The following FER1L6 variants were observed in gnomAD, a reference collection of about 807,000 sequenced individuals.
FER1L6 encodes fer-1-like protein 6.
A neutral mutation model predicts 219.2 loss-of-function variants in FER1L6; 177 were observed. The ratio of observed to expected loss-of-function variants is 0.81; its 90% CI spans 0.71 to 0.91. FER1L6 has a LOEUF of 0.91. Among genes scored for constraint, FER1L6 ranks in the 40% least tolerant of loss-of-function variants. The pLI is 0.00. For missense variants in FER1L6, 2,153 were observed against 2,259.9 expected (o/e 0.95, Z 0.96); for synonymous variants, 768 against 824.3 (o/e 0.93, Z 1.17).
intron 11 of FER1L6, chr8:123,984,394 T>G (rs1816465219): frequency 6.6e-6 from 1 of 152,208 alleles, no homozygotes; most frequent in Non-Finnish European, 1.5e-5. Context: ...TCCAGGTCTC[T>G]TAGTAATTCC....
At chr8:123,902,049 G>T (rs1812868665) in intron 1 of FER1L6, among the ~76,000 whole-genome samples, 1 of 152,038 alleles carries the variant, frequency 6.6e-6, no homozygotes, top group African/African-American at 2.4e-5. Flanking sequence ...TTTCCATCTT[G>T]ATTTCGTTTT....
chr8:123,974,230 G>A (rs1035494556), intron 7 of FER1L6, among the ~76,000 whole-genome samples: 1 of 152,198 alleles, frequency 6.6e-6, no homozygotes, highest in Non-Finnish European at 1.5e-5. Context: ...AGCAGCCTGA[G>A]TGTGAGGCAT....
rs1461141663 is a variant in FER1L6 at position 124,067,667 on chromosome 8, A to G, written c.3679-100A>G. ...TACAGACTGTTTGAATACTCTTTTA[A>G]AATAGTGTCTCTGGGAATGCAGAGG... On this transcript the variant is annotated intron_variant, in intron 27 of 40. Coordinates refer to ENST00000522917, the MANE Select transcript of FER1L6 (RefSeq NM_001039112.2). The G allele has an allele frequency of 9.4e-7, 1 of 1,062,810 alleles. No homozygotes were observed. The highest frequency in any genetic ancestry group is 1.4e-6 in the Non-Finnish European group (1 of 709,464). 65.8% of individuals were successfully genotyped at this position (1,062,810 alleles called of 1,614,324 possible).
At chr8:123,942,067 AG>A (rs2129998649) in intron 1 of FER1L6, among the ~76,000 whole-genome samples, 1 of 152,244 alleles carries the variant, frequency 6.6e-6, no homozygotes, top group Admixed American at 6.5e-5. Flanking sequence ...CCCTGAGCCC[AG>A]GCCCCTTCCT....
intron 1 of FER1L6, among the ~76,000 whole-genome samples, chr8:123,888,055 A>G (rs1817237759): frequency 6.6e-6 from 1 of 152,020 alleles, no homozygotes; most frequent in South Asian, 2.1e-4. Context: ...TTGTGTTTTG[A>G]TGATTGTGTG....
Position 124,023,471 on chromosome 8 carries a change from A to T in FER1L6, c.2161A>T (p.Ile721Phe), listed in dbSNP as rs761566243. 27 of 1,614,174 alleles carry T rather than the reference A, an allele frequency of 1.7e-5. No homozygotes were observed. The highest frequency in any genetic ancestry group is 2.3e-5 in the Non-Finnish European group (27 of 1,180,016). The change falls in exon 18 of 41, where the codon ATC (isoleucine) becomes TTC (phenylalanine). Residue 721 changes from isoleucine to phenylalanine, a missense_variant. By Grantham distance (21) the Ile-to-Phe change is conservative. Coordinates refer to ENST00000522917, the MANE Select transcript of FER1L6 (RefSeq NM_001039112.2). ...EPQHTIPDVFIWMLSNNRRVA... is the reference protein window; with the variant it reads ...EPQHTIPDVFFWMLSNNRRVA... ...CCAGCACACTATCCCTGACGTTTTC[A>T]TCTGGATGCTCAGCAACAACAGGAG...
intron 1 of FER1L6, among the ~76,000 whole-genome samples, chr8:123,854,183 T>C (rs1816584697): frequency 6.6e-6 from 1 of 152,202 alleles, no homozygotes; most frequent in Admixed American, 6.5e-5. Flanking sequence ...GTAAATGATC[T>C]AGGCTTTTCT....
chr8:124,068,711 T>C (rs28482806), intron 28 of FER1L6, among the ~76,000 whole-genome samples: 7 of 152,132 alleles, frequency 4.6e-5, no homozygotes, highest in Non-Finnish European at 7.3e-5. Flanking sequence ...TTATTTATTC[T>C]CTCTGTGCCT....
At chr8:124,106,222 A>C (rs905891203) in intron 39 of FER1L6, among the ~76,000 whole-genome samples, 1 of 149,858 alleles carries the variant, frequency 6.7e-6, no homozygotes, top group African/African-American at 2.5e-5. Flanking sequence ...CCAGCTACTC[A>C]GGATGCTGAG....
intron 1 of FER1L6, among the ~76,000 whole-genome samples, chr8:123,909,016 T>A (rs965220044): frequency 6.6e-6 from 1 of 152,212 alleles, no homozygotes; most frequent in African/African-American, 2.4e-5. Context: ...GCATGGCCCA[T>A]GTAAAGGGAT....
chr8:124,112,947 T>C (rs1326793062), intron 39 of FER1L6, among the ~76,000 whole-genome samples: 1 of 152,196 alleles, frequency 6.6e-6, no homozygotes, highest in African/African-American at 2.4e-5. Flanking sequence ...AGCACACATA[T>C]GTATACCATC....
At chr8:123,977,349 G>A (rs1209347089) in intron 9 of FER1L6, 68 bp from the exon 10 acceptor site, 22 of 1,452,042 alleles carry the variant, frequency 1.5e-5, no homozygotes, top group South Asian at 9.1e-5. Context: ...ACTTCCAGCT[G>A]GCTTGAAGAG....
chr8:124,075,022 G>A lies in FER1L6; in HGVS notation c.4093-1176G>A, dbSNP rs148991964. 7.2e-3 allele frequency among the ~76,000 whole-genome samples: 1,103 copies of A among 152,338 alleles called. 14 individuals carry two copies. Among genetic ancestry groups the A allele is most frequent in the African/African-American group, 0.026 (1,060 of 41,568 alleles). Reference sequence around the variant, plus strand: ...GAAGTTGCTCTGGGTGAGTCACTGAGTGGTGAGTGAATGTGAAGGCCTAGG... The same window carrying A: ...GAAGTTGCTCTGGGTGAGTCACTGAATGGTGAGTGAATGTGAAGGCCTAGG... On this transcript the variant is annotated intron_variant, in intron 31 of 40. Coordinates refer to ENST00000522917, the MANE Select transcript of FER1L6 (RefSeq NM_001039112.2).
chr8:123,937,875 G>A (rs1304438372), intron 1 of FER1L6, among the ~76,000 whole-genome samples: 1 of 152,128 alleles, frequency 6.6e-6, no homozygotes, highest in African/African-American at 2.4e-5. Flanking sequence ...AACCCCAAGA[G>A]ATGACAGCAT....
At chr8:124,094,443 T>C (rs1411052823) in intron 34 of FER1L6, among the ~76,000 whole-genome samples, 2 of 151,970 alleles carry the variant, frequency 1.3e-5, no homozygotes, top group Admixed American at 1.3e-4. Context: ...CATCCTTACT[T>C]TTTTCTTTTT....
chr8:123,940,601 G>A (rs562161961), intron 1 of FER1L6, among the ~76,000 whole-genome samples: 8 of 152,312 alleles, frequency 5.3e-5, no homozygotes, highest in African/African-American at 1.9e-4. Flanking sequence ...GCTTCCCAAA[G>A]TGCTGGGATT....
intron 1 of FER1L6, among the ~76,000 whole-genome samples, chr8:123,879,951 C>T (rs948915395): frequency 1.3e-5 from 2 of 152,130 alleles, no homozygotes. Flanking sequence ...TCTGATGGTG[C>T]TGTCCCCCGT....
intron 25 of FER1L6, 79 bp from the exon 26 acceptor site, chr8:124,064,268 T>C: frequency 9.4e-7 from 1 of 1,066,470 alleles, no homozygotes; most frequent in African/African-American, 1.6e-5. Context: ...CGAATCTGTC[T>C]GATTCCTAGT....
rs1305016958 is a variant in FER1L6 at position 124,083,018 on chromosome 8, A to G, written c.4391+560A>G. On this transcript the variant is annotated intron_variant, in intron 33 of 40. Transcript: ENST00000522917. ...GTGTGTATATATTATATACACACACATATGGGGTATATGACATGTATACAT... is the reference window on the plus strand; with the variant it reads ...GTGTGTATATATTATATACACACACGTATGGGGTATATGACATGTATACAT... 3.9e-5 allele frequency among the ~76,000 whole-genome samples: 3 copies of G among 77,346 alleles called. No homozygotes were observed. In the East Asian group the frequency reaches 8.5e-4, roughly 22 times the overall value. The allele number at this position is 77,346 out of a possible 152,430, so 50.7% of individuals were successfully genotyped here.
Sources: allele counts gnomAD v4.1 joint callset (sites outside exome capture counted in the v4.1 genomes callset), GRCh38; gene constraint gnomAD v4.1.1; transcripts MANE v1.5; gene names NCBI Gene and HGNC (gene_info 2026-07-23, HGNC 2026-07-21).